Variants in SLC24A2 observed in about 807,000 individuals in gnomAD.
The protein encoded by SLC24A2 is solute carrier family 24 member 2.
A neutral mutation model predicts 62.0 loss-of-function variants in SLC24A2; 36 were observed. The observed-to-expected ratio is 0.58, with a 90% CI of 0.44 to 0.77. SLC24A2 has a LOEUF of 0.77. Among genes scored for constraint, SLC24A2 ranks in the 30% least tolerant of loss-of-function variants. SLC24A2 has a pLI of 0.00. For synonymous variants in SLC24A2, 358 were observed against 294.0 expected (o/e 1.22, Z -2.23); for missense variants, 846 against 817.9 (o/e 1.03, Z -0.42).
chr9:19,979,398 G>T, the SLC24A2 span, among the ~76,000 whole-genome samples: 4 of 152,124 alleles, frequency 2.6e-5, no homozygotes, highest in Non-Finnish European at 5.9e-5. Flanking sequence ...TATATTCAGA[G>T]ATGCAAAGTA....
the SLC24A2 span, among the ~76,000 whole-genome samples, chr9:20,217,170 T>G: frequency 6.6e-6 from 1 of 152,202 alleles, no homozygotes; most frequent in South Asian, 2.1e-4. Flanking sequence ...ACTCAACATA[T>G]GTCATACTCA....
the SLC24A2 span, among the ~76,000 whole-genome samples, chr9:19,965,315 C>T: frequency 6.6e-6 from 1 of 152,134 alleles, no homozygotes; most frequent in African/African-American, 2.4e-5. Context: ...GATGGCCCGG[C>T]TGTGTCCCTT....
the SLC24A2 span, among the ~76,000 whole-genome samples, chr9:20,234,633 T>C: frequency 6.6e-6 from 1 of 152,210 alleles, no homozygotes; most frequent in Non-Finnish European, 1.5e-5. Context: ...TTAATCTAAT[T>C]TGTTTTCAAA....
At chr9:19,529,469 T>C (rs563397538) in intron 8 of SLC24A2, among the ~76,000 whole-genome samples, 1 of 152,292 alleles carries the variant, frequency 6.6e-6, no homozygotes, top group South Asian at 2.1e-4. Flanking sequence ...TCTGTTAAAT[T>C]TTACCCCATA....
the SLC24A2 span, among the ~76,000 whole-genome samples, chr9:19,916,225 G>T: frequency 1.3e-5 from 2 of 151,956 alleles, no homozygotes; most frequent in East Asian, 3.9e-4. Context: ...TACATGTATG[G>T]TTTATTTCTG....
At chr9:20,038,860 A>G in the SLC24A2 span, among the ~76,000 whole-genome samples, 1 of 152,236 alleles carries the variant, frequency 6.6e-6, no homozygotes, top group Non-Finnish European at 1.5e-5. Context: ...GGCAGGAAAG[A>G]TAAGTCGAGA....
chr9:19,833,212 AGTGCCAGACACTGG>A, the SLC24A2 span, among the ~76,000 whole-genome samples: 1 of 152,120 alleles, frequency 6.6e-6, no homozygotes. Context: ...CTCACTGGGG[AGTGCCAGACACTGG>A]GTGCAGGACA....
the SLC24A2 span, among the ~76,000 whole-genome samples, chr9:19,933,502 T>C: frequency 6.6e-6 from 1 of 152,172 alleles, no homozygotes; most frequent in South Asian, 2.1e-4. Flanking sequence ...ATCCATTCAA[T>C]TCATTCATCT....
intron 10 of SLC24A2, among the ~76,000 whole-genome samples, 179 bp from the exon 11 acceptor site, chr9:19,516,581 A>G (rs556144566): frequency 1.3e-5 from 2 of 152,354 alleles, no homozygotes; most frequent in South Asian, 2.1e-4. Flanking sequence ...TTATAAGGAA[A>G]TAAGACTTTA....
At chr9:19,968,190 C>A in the SLC24A2 span, among the ~76,000 whole-genome samples, 1 of 152,154 alleles carries the variant, frequency 6.6e-6, no homozygotes, top group African/African-American at 2.4e-5. Flanking sequence ...TCTTCATCAT[C>A]ATCTTTGTTA....
chr9:19,525,134 C>T (rs1217830602), intron 9 of SLC24A2, among the ~76,000 whole-genome samples: 1 of 152,078 alleles, frequency 6.6e-6, no homozygotes, highest in East Asian at 1.9e-4. Context: ...GCACAGAGAA[C>T]TTGCTCAGGA....
the SLC24A2 span, among the ~76,000 whole-genome samples, chr9:20,021,454 T>G: frequency 2.6e-5 from 4 of 152,004 alleles, no homozygotes; most frequent in African/African-American, 9.7e-5. Flanking sequence ...GGATTATTAA[T>G]AATAATCCAA....
chr9:20,070,105 A>C, the SLC24A2 span, among the ~76,000 whole-genome samples: 1 of 152,288 alleles, frequency 6.6e-6, no homozygotes, highest in Non-Finnish European at 1.5e-5. Context: ...TGAACATTAA[A>C]TTGTCCAACT....
chr9:19,821,323 G>A, the SLC24A2 span, among the ~76,000 whole-genome samples: 1 of 152,078 alleles, frequency 6.6e-6, no homozygotes, highest in Non-Finnish European at 1.5e-5. Context: ...AATGCACAGT[G>A]TCTTCATTTT....
the SLC24A2 span, among the ~76,000 whole-genome samples, chr9:19,869,136 C>A: frequency 6.6e-6 from 1 of 152,072 alleles, no homozygotes; most frequent in Non-Finnish European, 1.5e-5. Context: ...CATGTACCAC[C>A]ATTCCTGGCT....
the SLC24A2 span, among the ~76,000 whole-genome samples, chr9:20,091,173 G>A: frequency 6.6e-6 from 1 of 151,372 alleles, no homozygotes; most frequent in Admixed American, 6.6e-5. Flanking sequence ...GAATAAGAAA[G>A]AATGAACAAA....
At chr9:20,028,943 C>T in the SLC24A2 span, among the ~76,000 whole-genome samples, 2 of 152,186 alleles carry the variant, frequency 1.3e-5, no homozygotes, top group African/African-American at 2.4e-5. Flanking sequence ...TGGCTTTGTC[C>T]AGCCGTTTCT....
chr9:19,560,938 G>C (rs1563965570), intron 7 of SLC24A2, among the ~76,000 whole-genome samples: 2 of 147,004 alleles, frequency 1.4e-5, no homozygotes, highest in Admixed American at 6.9e-5. Context: ...GAGAGAGAGA[G>C]AGAGAGAGAC....
At chr9:19,530,612 T>C (rs1037557622) in intron 8 of SLC24A2, among the ~76,000 whole-genome samples, 2 of 152,116 alleles carry the variant, frequency 1.3e-5, no homozygotes, top group Non-Finnish European at 2.9e-5. Flanking sequence ...CCAAAAGGTA[T>C]AAAGCAAGGT....
Sources: allele counts gnomAD v4.1 joint callset (sites outside exome capture counted in the v4.1 genomes callset), GRCh38; gene constraint gnomAD v4.1.1; transcripts MANE v1.5; gene names NCBI Gene and HGNC (gene_info 2026-07-23, HGNC 2026-07-21).